Variants in MAP2K5 observed in about 807,000 individuals in gnomAD.
MAP2K5 encodes the protein dual specificity mitogen-activated protein kinase kinase 5.
Under a neutral mutation model 83.1 loss-of-function variants are expected in MAP2K5, and 49 were observed. The ratio of observed to expected loss-of-function variants is 0.59; its 90% CI spans 0.47 to 0.75. MAP2K5 has a LOEUF of 0.75. Ranked by LOEUF, MAP2K5 falls within the 30% of genes least tolerant of loss-of-function variation. MAP2K5 has a pLI of 0.00. For missense variants in MAP2K5, 457 were observed against 557.5 expected, an observed-to-expected ratio of 0.82 and a Z score of 1.82; for synonymous variants, 202 against 191.8, an observed-to-expected ratio of 1.05 and a Z score of -0.44.
intron 11 of MAP2K5, among the ~76,000 whole-genome samples, chr15:67,653,174 G>T (rs1300135564): frequency 2.0e-5 from 3 of 151,866 alleles, no homozygotes; most frequent in Admixed American, 6.6e-5. Context: ...TTTTATTTCT[G>T]CAAAGTTGGT....
chr15:67,753,388 A>T (rs1386626007), intron 19 of MAP2K5, among the ~76,000 whole-genome samples: 1 of 152,224 alleles, frequency 6.6e-6, no homozygotes, highest in Non-Finnish European at 1.5e-5. Flanking sequence ...CACTATCAAG[A>T]CAGTGAAAAG....
rs917965029 is a variant in MAP2K5, at chr15:67,738,107, C to T, written c.1075-10124C>T. 1.3e-5 allele frequency among the ~76,000 whole-genome samples: 2 copies of T among 152,124 alleles called. No homozygotes were observed. Among genetic ancestry groups the T allele is most frequent in the African/African-American group, 4.8e-5 (2 of 41,430 alleles). On this transcript the variant is annotated intron_variant, in intron 17 of 21. Transcript: ENST00000178640. This position sits in a 1 kb window ranked among gnomAD's most constrained non-coding sequence, Gnocchi z 4.1. ...CCTCAGGTGACCTGCCTGCCTCAGC[C>T]TCCCAGAGTACTGGGATTACAGGCG...
At chr15:67,662,874 A>T (rs897668411) in intron 12 of MAP2K5, among the ~76,000 whole-genome samples, 1 of 152,146 alleles carries the variant, frequency 6.6e-6, no homozygotes, top group African/African-American at 2.4e-5. Flanking sequence ...CACCAGCCAG[A>T]CTGGCTTATG....
At chr15:67,681,245 A>G (rs1291700791) in intron 13 of MAP2K5, among the ~76,000 whole-genome samples, 3 of 152,204 alleles carry the variant, frequency 2.0e-5, no homozygotes, top group South Asian at 2.1e-4. Context: ...ATCAGGGATG[A>G]TATCTGATCT....
intron 3 of MAP2K5, among the ~76,000 whole-genome samples, chr15:67,569,722 C>T (rs904505204): frequency 3.3e-5 from 5 of 152,042 alleles, no homozygotes; most frequent in Admixed American, 6.6e-5. Context: ...AAGATAAGCA[C>T]GAGTAGGCCT....
chr15:67,569,810 G>A (rs983865120), intron 3 of MAP2K5, among the ~76,000 whole-genome samples: 4 of 152,214 alleles, frequency 2.6e-5, no homozygotes, highest in African/African-American at 9.6e-5. Context: ...TCATTTATAT[G>A]GCTCTGCTCC....
At chr15:67,791,600 A>G (rs1195727920) in intron 21 of MAP2K5, among the ~76,000 whole-genome samples, 2 of 152,236 alleles carry the variant, frequency 1.3e-5, no homozygotes, top group East Asian at 1.9e-4. Context: ...CATCATCACA[A>G]AAGGCACAGG....
At chr15:67,581,366 A>G (rs2085176843) in intron 4 of MAP2K5, among the ~76,000 whole-genome samples, 1 of 152,222 alleles carries the variant, frequency 6.6e-6, no homozygotes, top group Admixed American at 6.5e-5. Context: ...TCAGTGAATC[A>G]CTTGGTCAGA....
intron 17 of MAP2K5, among the ~76,000 whole-genome samples, chr15:67,733,051 A>C (rs914622147): frequency 6.6e-6 from 1 of 152,194 alleles, no homozygotes; most frequent in Non-Finnish European, 1.5e-5. Context: ...AGGCAGTCTG[A>C]GTGCAGAGAG....
In MAP2K5 at chr15:67,587,391, T is replaced by A. The variant is rs576386675; in HGVS notation, c.431+478T>A. Among the ~76,000 whole-genome samples, 2 of 152,082 alleles carry A rather than the reference T, an allele frequency of 1.3e-5. No homozygotes were observed. Among genetic ancestry groups the A allele is most frequent in the Non-Finnish European group, 2.9e-5 (2 of 68,006 alleles). On this transcript the variant is annotated intron_variant, in intron 6 of 21. Transcript: ENST00000178640. This position sits in a 1 kb window ranked among gnomAD's most constrained non-coding sequence, Gnocchi z 4.8. ...TGCACTGGCTAGCAGTTAGAGGGCTTTTAGTAGGAGAGGGACATGGCCAGC... is the reference window on the plus strand; with the variant it reads ...TGCACTGGCTAGCAGTTAGAGGGCTATTAGTAGGAGAGGGACATGGCCAGC...
intron 17 of MAP2K5, among the ~76,000 whole-genome samples, chr15:67,740,216 C>T (rs555093976): frequency 1.3e-5 from 2 of 152,250 alleles, no homozygotes; most frequent in African/African-American, 2.4e-5. Flanking sequence ...TCTAGTATAG[C>T]GCCTGGCATA....
chr15:67,656,935 A>T (rs1661862914), intron 11 of MAP2K5, among the ~76,000 whole-genome samples: 1 of 152,168 alleles, frequency 6.6e-6, no homozygotes, highest in Non-Finnish European at 1.5e-5. Flanking sequence ...AACTCATCAA[A>T]CTTAACAGGA....
intron 8 of MAP2K5, among the ~76,000 whole-genome samples, chr15:67,604,052 A>G (rs1178076685): frequency 2.0e-5 from 3 of 152,256 alleles, no homozygotes; most frequent in African/African-American, 7.2e-5. Context: ...ATTACAATGT[A>G]TATGATTTAA....
Position 67,644,349 on chromosome 15 carries a change from G to A in MAP2K5, c.586-1882G>A, listed in dbSNP as rs778956564. Among the ~76,000 whole-genome samples, 5 of 151,992 alleles carry A rather than the reference G, an allele frequency of 3.3e-5. No homozygotes were observed. Among genetic ancestry groups the A allele is most frequent in the Admixed American group, 1.3e-4 (2 of 15,256 alleles). On this transcript the variant is annotated intron_variant, in intron 9 of 21. Coordinates refer to ENST00000178640, the MANE Select transcript of MAP2K5 (RefSeq NM_145160.3). The surrounding 1 kb of genome is among the most constrained non-coding windows in gnomAD (Gnocchi z 4.6). ...GCGGAGGTTGCAGTGAGCCAAGATCGCGCCACTACACTCCAGCCTGGGTGA... is the reference window on the plus strand; with the variant it reads ...GCGGAGGTTGCAGTGAGCCAAGATCACGCCACTACACTCCAGCCTGGGTGA...
chr15:67,756,220 T>A (rs1351047977), intron 19 of MAP2K5, among the ~76,000 whole-genome samples: 1 of 152,212 alleles, frequency 6.6e-6, no homozygotes, highest in African/African-American at 2.4e-5. Context: ...TGTTCCTGAT[T>A]GAAGGAGACT....
At chr15:67,692,810 T>C (rs540844950) in intron 14 of MAP2K5, among the ~76,000 whole-genome samples, 4 of 152,346 alleles carry the variant, frequency 2.6e-5, no homozygotes, top group Admixed American at 1.3e-4. Flanking sequence ...TTCATTGATA[T>C]GCAGCTTTGA....
chr15:67,704,424 T>G (rs947768625), intron 16 of MAP2K5, among the ~76,000 whole-genome samples: 2 of 152,238 alleles, frequency 1.3e-5, no homozygotes, highest in African/African-American at 4.8e-5. Context: ...GAAAGGACTC[T>G]TTAAATAATA....
rs2090314943 is a variant in MAP2K5 at position 67,780,697 on chromosome 15, A to G, written c.1242+7945A>G. 2.0e-5 allele frequency among the ~76,000 whole-genome samples: 3 copies of G among 152,250 alleles called. No homozygotes were observed. Among genetic ancestry groups the G allele is most frequent in the African/African-American group, 7.2e-5 (3 of 41,468 alleles). On this transcript the variant is annotated intron_variant, in intron 21 of 21. Transcript: ENST00000178640. The surrounding 1 kb of genome is among the most constrained non-coding windows in gnomAD (Gnocchi z 5.0). ...GACCTCCTGCTAGGAGAGGTCATCT[A>G]GGTTAGAAAATTTGGTGCCAAAATA...
Position 67,577,723 on chromosome 15 carries a change from G to A in MAP2K5, c.253-3031G>A, listed in dbSNP as rs1192438088. Among the ~76,000 whole-genome samples the A allele has an allele frequency of 2.0e-5, 3 of 152,150 alleles. No homozygotes were observed. The highest frequency in any genetic ancestry group is 2.9e-5 in the Non-Finnish European group (2 of 68,030). On this transcript the variant is annotated intron_variant, in intron 3 of 21. Coordinates refer to ENST00000178640, the MANE Select transcript of MAP2K5 (RefSeq NM_145160.3). This position sits in a 1 kb window ranked among gnomAD's most constrained non-coding sequence, Gnocchi z 4.1. ...CAGATCTAAAAACAATTTGCTGGCCGTGTGCAGTGGCTCACGCCTGTAATC... is the reference window on the plus strand; with the variant it reads ...CAGATCTAAAAACAATTTGCTGGCCATGTGCAGTGGCTCACGCCTGTAATC...
Sources: allele counts gnomAD v4.1 joint callset (sites outside exome capture counted in the v4.1 genomes callset), GRCh38; gene constraint gnomAD v4.1.1; non-coding constraint Gnocchi (gnomAD v3.1); transcripts MANE v1.5; gene names NCBI Gene and HGNC (gene_info 2026-07-23, HGNC 2026-07-21).